Variants in ELP1 observed in about 807,000 individuals in gnomAD.
ELP1 encodes the protein elongator acetyltransferase complex subunit 1.
A neutral mutation model predicts 183.2 loss-of-function variants in ELP1; 131 were observed. The observed-to-expected ratio is 0.72, with a 90% CI of 0.62 to 0.83. The LOEUF (loss-of-function observed/expected upper bound fraction) is 0.83. ELP1 is among the 40% of genes least tolerant of loss of function. The pLI, the probability that ELP1 is intolerant of heterozygous loss-of-function variation, is 0.00. For synonymous variants in ELP1, 555 were observed against 569.0 expected, an observed-to-expected ratio of 0.98 and a Z score of 0.35; for missense variants, 1,550 against 1,594.9, an observed-to-expected ratio of 0.97 and a Z score of 0.48.
At chr9:108,879,656 T>C (rs1364262225) in intron 32 of ELP1, 99 bp from the exon 33 acceptor site, 22 of 789,960 alleles carry the variant, frequency 2.8e-5, no homozygotes, top group South Asian at 1.8e-4. Flanking sequence ...AACTGGTGCA[T>C]ATCAAAGGAT....
Position 108,905,888 on chromosome 9 carries a change from CACACACACACAT to C in ELP1, c.1643+403_1643+414del, listed in dbSNP as rs1314586920. 1.2e-3 allele frequency among the ~76,000 whole-genome samples: 188 copies of C among 150,972 alleles called. 1 individual carries two copies. The highest frequency in any genetic ancestry group is 0.01 in the South Asian group (49 of 4,802). On this transcript the variant is annotated intron_variant, in intron 14 of 36. Coordinates refer to ENST00000374647, the MANE Select transcript of ELP1 (RefSeq NM_003640.5). ...ATGTATACACACACACACACACACACACACACACACATATATGCGCATGACTGCATTTATACA... is the reference window on the plus strand; with the variant it reads ...ATGTATACACACACACACACACACACATATGCGCATGACTGCATTTATACA...
intron 13 of ELP1, 58 bp from the exon 14 acceptor site, chr9:108,906,543 C>G: frequency 6.9e-7 from 1 of 1,455,414 alleles, no homozygotes; most frequent in South Asian, 1.1e-5. Flanking sequence ...ACCACTGAGA[C>G]GTTCCTGGAT....
chr9:108,889,892 T>G (rs201664205), intron 28 of ELP1, among the ~76,000 whole-genome samples: 5 of 152,310 alleles, frequency 3.3e-5, no homozygotes, highest in African/African-American at 1.2e-4. Flanking sequence ...CTAAAAAAAG[T>G]AGGTAAAATC....
chr9:108,879,108 G>C (rs1044773800), intron 33 of ELP1, among the ~76,000 whole-genome samples: 2 of 151,884 alleles, frequency 1.3e-5, no homozygotes, highest in African/African-American at 4.9e-5. Flanking sequence ...TTGAATTGAA[G>C]AAGCTTATCT....
At chr9:108,874,688 A>G (rs186200065) in intron 36 of ELP1, among the ~76,000 whole-genome samples, 58 of 152,330 alleles carry the variant, frequency 3.8e-4, no homozygotes, top group Admixed American at 2.1e-3. Context: ...GTCATGCTGG[A>G]TTTTCCTGCA....
intron 27 of ELP1, among the ~76,000 whole-genome samples, chr9:108,892,448 G>A (rs1828376249): frequency 6.6e-6 from 1 of 152,212 alleles, no homozygotes; most frequent in Non-Finnish European, 1.5e-5. Flanking sequence ...GCATGGTAGA[G>A]TGGTGGTTAA....
At chr9:108,912,629 A>C (rs972990180) in intron 10 of ELP1, 135 bp from the exon 11 acceptor site, 41 of 682,044 alleles carry the variant, frequency 6.0e-5, no homozygotes, top group Non-Finnish European at 1.0e-4. Context: ...AAATAAGAAC[A>C]ATAATAACTG....
In ELP1 at chr9:108,902,870, G is replaced by A; in HGVS notation, c.1823C>T (p.Thr608Ile). The A allele has an allele frequency of 6.2e-7, 1 of 1,613,900 alleles. No individual in the cohort carries two copies. The highest frequency in any genetic ancestry group is 1.1e-5 in the South Asian group (1 of 91,066). Residue 608 changes from threonine to isoleucine, a missense_variant, in exon 16 of 37, where the codon ACC becomes ATC. Physicochemically the swap from Thr to Ile is moderately conservative, Grantham distance 89. Coordinates refer to ENST00000374647, the MANE Select transcript of ELP1 (RefSeq NM_003640.5). ...GFPVRFPYPC[T>I]QTELAMIGEE... Reference sequence around the variant, plus strand: ...TCCAATCATGGCCAATTCGGTCTGGGTGCATGGATAAGGAAACCGAACAGG... The same window carrying A: ...TCCAATCATGGCCAATTCGGTCTGGATGCATGGATAAGGAAACCGAACAGG...
At chr9:108,879,814 G>A (rs1007051186) in intron 32 of ELP1, among the ~76,000 whole-genome samples, 14 of 152,170 alleles carry the variant, frequency 9.2e-5, no homozygotes, top group Admixed American at 2.6e-4. Flanking sequence ...AGCTGCTCTG[G>A]GTGAATGGGG....
intron 29 of ELP1, among the ~76,000 whole-genome samples, chr9:108,886,900 TA>T (rs34080947): frequency 0.46 from 62,824 of 135,994 alleles, 13,832 homozygotes; most frequent in Admixed American, 0.54. Flanking sequence ...TAGAGAGCAT[TA>T]AAAAAAAAAA....
intron 4 of ELP1, 122 bp downstream of exon 4, chr9:108,927,250 A>C (rs1021042898): frequency 1.3e-6 from 1 of 766,652 alleles, no homozygotes. Context: ...CTGGTTCATA[A>C]TTGGTATTAT....
intron 23 of ELP1, 23 bp from the exon 24 acceptor site, chr9:108,897,061 C>A (rs1281831709): frequency 1.2e-6 from 2 of 1,613,270 alleles, no homozygotes; most frequent in Non-Finnish European, 1.7e-6. Context: ...GTGAAGAACA[C>A]CAGAATGAGA....
intron 25 of ELP1, among the ~76,000 whole-genome samples, chr9:108,895,668 A>G (rs1005856529): frequency 6.6e-6 from 1 of 152,200 alleles, no homozygotes; most frequent in African/African-American, 2.4e-5. Flanking sequence ...GAAGTATTTT[A>G]AGCAGAGAGA....
At chr9:108,906,258 A>C in intron 14 of ELP1, 45 bp downstream of exon 14, 1 of 1,599,350 alleles carries the variant, frequency 6.3e-7, no homozygotes, top group Middle Eastern at 1.7e-4. Context: ...CAAAAACCTA[A>C]CTCCATTTGC....
rs565846004 is a variant in ELP1, at chr9:108,893,351, C to G, written c.2861-268G>C. ...TGTTTTCTCAGCCTCCTTGAAAAGA[C>G]ATCACCTGGGAAGCTTATTAGACAC... On this transcript the variant is annotated intron_variant, in intron 26 of 36. Coordinates refer to ENST00000374647, the MANE Select transcript of ELP1 (RefSeq NM_003640.5). Among the ~76,000 whole-genome samples, 3 of 152,298 alleles carry G rather than the reference C, an allele frequency of 2.0e-5. No individual in the cohort carries two copies. In the South Asian group the frequency reaches 6.2e-4, roughly 32 times the overall value.
chr9:108,878,492 C>A, intron 34 of ELP1, 131 bp downstream of exon 34: 2 of 1,215,590 alleles, frequency 1.6e-6, no homozygotes, highest in Non-Finnish European at 2.4e-6. Flanking sequence ...CATGACCCTT[C>A]CTGCTAAAAG....
chr9:108,897,108 C>G lies in ELP1; in HGVS notation c.2501+40G>C, dbSNP rs751544484. 4 of 1,613,874 alleles carry G rather than the reference C, an allele frequency of 2.5e-6. No homozygotes were observed. In the East Asian group the frequency reaches 6.7e-5, roughly 27 times the overall value. ...GCTGGACAAGGACAACTACACACTTCGGTTTTTCAAAGGATGCCACCTGGT... is the reference window on the plus strand; with the variant it reads ...GCTGGACAAGGACAACTACACACTTGGGTTTTTCAAAGGATGCCACCTGGT... On this transcript the variant is annotated intron_variant, in intron 23 of 36. Transcript: ENST00000374647.
chr9:108,900,263 TAA>T lies in ELP1; in HGVS notation c.2125_2126del (p.Leu709ThrfsTer30), dbSNP rs1360727670. 6.2e-7 allele frequency: 1 copy of T among 1,609,810 alleles called. No individual in the cohort carries two copies. The stretch of plus-strand genomic sequence containing the variant: ...CTTGTCTGAAAAACCAGCTTACCTG[TAA>T]TACAAGCTTTGTGTCCTGGGGCACA... ...TVVPQDTKLV[L>X]QMPRGNLEVV... On this transcript the variant is annotated frameshift_variant, in exon 19 of 37. Coordinates refer to ENST00000374647, the MANE Select transcript of ELP1 (RefSeq NM_003640.5). LOFTEE classifies it high-confidence loss of function.
chr9:108,931,115 T>A lies in ELP1; in HGVS notation c.32A>T (p.Glu11Val). 1 of 1,614,118 alleles carries A rather than the reference T, an allele frequency of 6.2e-7. No homozygotes were observed. Among genetic ancestry groups the A allele is most frequent in the Non-Finnish European group, 8.5e-7 (1 of 1,179,994 alleles). Residue 11 changes from glutamate (E) to valine (V), a missense_variant, in exon 2 of 37, where the codon GAG (glutamate) becomes GTG (valine). Physicochemically the swap from Glu to Val is moderately radical, Grantham distance 121. Coordinates refer to ENST00000374647, the MANE Select transcript of ELP1 (RefSeq NM_003640.5). ...CCCTGGACCTTGAATATCCCTGAAC[T>A]CCAGGGTCCGAAATAATTTCAGATT... MRNLKLFRTLEFRDIQGPGNP... is the reference protein window; with the variant it reads MRNLKLFRTLVFRDIQGPGNP...
Sources: allele counts gnomAD v4.1 joint callset (sites outside exome capture counted in the v4.1 genomes callset), GRCh38; gene constraint gnomAD v4.1.1; transcripts MANE v1.5; gene names NCBI Gene and HGNC (gene_info 2026-07-23, HGNC 2026-07-21).